Variants in PDZRN4 observed in about 807,000 individuals in gnomAD.
PDZRN4 encodes PDZ domain containing ring finger 4.
In PDZRN4, 70 loss-of-function variants were observed where a neutral mutation model predicts 99.0. That is an observed-to-expected ratio of 0.71 (90% CI 0.58 to 0.86). The LOEUF (loss-of-function observed/expected upper bound fraction) is 0.86, where lower values mean the gene tolerates loss of function less well. Ranked by LOEUF, PDZRN4 falls within the 40% of genes least tolerant of loss-of-function variation. The probability of loss-of-function intolerance (pLI) is 0.00; values close to 1 mark genes in which losing one functional copy is unlikely to be tolerated. For missense variants in PDZRN4, 1,474 were observed against 1,331.2 expected, an observed-to-expected ratio of 1.11 and a Z score of -1.67; for synonymous variants, 551 against 501.6, an observed-to-expected ratio of 1.10 and a Z score of -1.32.
intron 3 of PDZRN4, among the ~76,000 whole-genome samples, chr12:41,466,217 C>T (rs1952923793): frequency 6.6e-6 from 1 of 151,986 alleles, no homozygotes; most frequent in African/African-American, 2.4e-5. Context: ...TGGATGTGGG[C>T]CCGCCTATAT....
At chr12:41,505,584 C>T (rs1938191568) in intron 3 of PDZRN4, among the ~76,000 whole-genome samples, 1 of 152,096 alleles carries the variant, frequency 6.6e-6, no homozygotes, top group Non-Finnish European at 1.5e-5. Context: ...GGTAAGCTGG[C>T]ATAGGAGAGT....
chr12:41,336,598 G>T (rs925339324), intron 3 of PDZRN4, among the ~76,000 whole-genome samples: 1 of 152,086 alleles, frequency 6.6e-6, no homozygotes, highest in Admixed American at 6.6e-5. Flanking sequence ...ATCAAGACAG[G>T]GGAATTGCAA....
At chr12:41,207,330 C>T (rs1054081198) in intron 3 of PDZRN4, among the ~76,000 whole-genome samples, 7 of 151,542 alleles carry the variant, frequency 4.6e-5, no homozygotes, top group Non-Finnish European at 1.0e-4. Flanking sequence ...ATACAGCTGG[C>T]AAGATAGAAT....
intron 3 of PDZRN4, among the ~76,000 whole-genome samples, chr12:41,200,057 A>T (rs184225509): frequency 6.6e-6 from 1 of 152,154 alleles, no homozygotes; most frequent in Non-Finnish European, 1.5e-5. Context: ...GGACATTACC[A>T]CCTTGCCTTA....
chr12:41,320,458 A>G (rs1951668397), intron 3 of PDZRN4, among the ~76,000 whole-genome samples: 1 of 152,234 alleles, frequency 6.6e-6, no homozygotes, highest in Admixed American at 6.5e-5. Flanking sequence ...CAATTCAAGA[A>G]GAGCTTTGTT....
chr12:41,531,310 C>T (rs1938657338), intron 5 of PDZRN4, among the ~76,000 whole-genome samples: 1 of 152,164 alleles, frequency 6.6e-6, no homozygotes, highest in Non-Finnish European at 1.5e-5. Context: ...ACCGCCCCAG[C>T]CAAACTCCAC....
chr12:41,449,592 G>C (rs1057049934), intron 3 of PDZRN4, among the ~76,000 whole-genome samples: 3 of 152,174 alleles, frequency 2.0e-5, no homozygotes, highest in Non-Finnish European at 4.4e-5. Context: ...AGCAATATTA[G>C]TTCTGTGTGT....
At chr12:41,261,069 A>G (rs1566403352) in intron 3 of PDZRN4, among the ~76,000 whole-genome samples, 2 of 152,296 alleles carry the variant, frequency 1.3e-5, no homozygotes, top group East Asian at 1.9e-4. Context: ...ATGTTGCCTC[A>G]TAAATTCCAT....
chr12:41,493,651 C>G (rs1937932870), intron 3 of PDZRN4, among the ~76,000 whole-genome samples: 1 of 152,146 alleles, frequency 6.6e-6, no homozygotes, highest in African/African-American at 2.4e-5. Flanking sequence ...TCTCCATACA[C>G]TCCAGCTGCT....
chr12:41,265,216 G>A (rs1192345433), intron 3 of PDZRN4, among the ~76,000 whole-genome samples: 1 of 152,084 alleles, frequency 6.6e-6, no homozygotes, highest in African/African-American at 2.4e-5. Flanking sequence ...AAGAAATCCT[G>A]GGCTTCTTTT....
intron 3 of PDZRN4, among the ~76,000 whole-genome samples, chr12:41,443,932 T>C (rs1195818892): frequency 6.6e-6 from 1 of 151,894 alleles, no homozygotes; most frequent in Non-Finnish European, 1.5e-5. Context: ...GCAGATGTGA[T>C]AAGTAAGGAG....
chr12:41,267,867 GGAA>G (rs1951289425), intron 3 of PDZRN4, among the ~76,000 whole-genome samples: 1 of 151,716 alleles, frequency 6.6e-6, no homozygotes, highest in South Asian at 2.1e-4. Context: ...CAAACAAAAA[GGAA>G]GAAGAAGGTG....
chr12:41,465,062 T>C (rs1952911683), intron 3 of PDZRN4, among the ~76,000 whole-genome samples: 1 of 152,132 alleles, frequency 6.6e-6, no homozygotes, highest in Non-Finnish European at 1.5e-5. Flanking sequence ...TGACCTCCAG[T>C]GATCTGCCCA....
rs924480915 is a variant in PDZRN4 at position 41,420,650 on chromosome 12, A to T, written c.844-85806A>T. 3.3e-5 allele frequency among the ~76,000 whole-genome samples: 5 copies of T among 152,066 alleles called. No homozygotes were observed. The East Asian group carries it at 9.6e-4, about 29-fold the overall frequency. ...TCTGTTTGAAATTATATTTCTGCAG[A>T]TTTGCAACTCCCTTAACTCTTGTCT... On this transcript the variant is annotated intron_variant, in intron 3 of 9. Transcript: ENST00000402685.
intron 3 of PDZRN4, among the ~76,000 whole-genome samples, chr12:41,379,863 A>T (rs1952110565): frequency 6.6e-6 from 1 of 151,946 alleles, no homozygotes; most frequent in Admixed American, 6.6e-5. Flanking sequence ...CTGTTAGGTA[A>T]TTTGGTCTAT....
At position 41,211,949 on chromosome 12, in the gene PDZRN4, G is replaced by A. The variant is rs544477367; in HGVS notation, c.843+17761G>A. 4.6e-5 allele frequency among the ~76,000 whole-genome samples: 7 copies of A among 151,996 alleles called. No individual in the cohort carries two copies. The East Asian group carries it at 1.4e-3, about 30-fold the overall frequency. ...TTCTTTGTATATTATTTCTAAAATA[G>A]GTATATTTGCCTTAGTTTAGTTTTA... On this transcript the variant is annotated intron_variant, in intron 3 of 9. Transcript: ENST00000402685.
chr12:41,389,400 G>A (rs1166582472), intron 3 of PDZRN4, among the ~76,000 whole-genome samples: 1 of 152,144 alleles, frequency 6.6e-6, no homozygotes, highest in African/African-American at 2.4e-5. Flanking sequence ...ATCTGCAAAT[G>A]TAAGCAAGTA....
At chr12:41,514,511 A>T (rs1351821564) in intron 5 of PDZRN4, among the ~76,000 whole-genome samples, 1 of 152,112 alleles carries the variant, frequency 6.6e-6, no homozygotes, top group Non-Finnish European at 1.5e-5. Context: ...GTTGAAAAAA[A>T]AACAAGTCCC....
intron 3 of PDZRN4, among the ~76,000 whole-genome samples, chr12:41,287,856 A>T (rs1209188707): frequency 2.0e-5 from 3 of 152,184 alleles, no homozygotes; most frequent in African/African-American, 7.2e-5. Flanking sequence ...CAGGACTGTC[A>T]CCAAAGTTTC....
Sources: gnomAD v4.1 joint callset for allele counts (sites outside exome capture counted in the v4.1 genomes callset) on GRCh38, gnomAD v4.1.1 for gene constraint, MANE v1.5 for transcripts, NCBI Gene and HGNC (gene_info 2026-07-23, HGNC 2026-07-21) for gene names.